The following ATP10A variants were observed in gnomAD, a reference collection of about 807,000 sequenced individuals.
ATP10A encodes phospholipid-transporting ATPase VA.
In ATP10A, 111 loss-of-function variants were observed where a neutral mutation model predicts 147.8. The observed-to-expected ratio is 0.75, with a 90% confidence interval of 0.64 to 0.88. The LOEUF is 0.88. ATP10A is among the 40% of genes least tolerant of loss of function. ATP10A has a pLI of 0.00. For missense variants in ATP10A, 1,927 were observed against 1,959.0 expected, an observed-to-expected ratio of 0.98 and a Z score of 0.31; for synonymous variants, 875 against 841.6, an observed-to-expected ratio of 1.04 and a Z score of -0.69.
chr15:25,685,824 TAAAA>T (rs34929669), intron 16 of ATP10A, among the ~76,000 whole-genome samples: 6 of 139,292 alleles, frequency 4.3e-5, no homozygotes, highest in Non-Finnish European at 6.2e-5. Context: ...ACCCTGTCTT[TAAAA>T]AAAAAAAAAA....
intron 15 of ATP10A, among the ~76,000 whole-genome samples, chr15:25,690,241 A>T (rs8025560): frequency 0.14 from 16,251 of 113,748 alleles, 1,129 homozygotes; most frequent in Admixed American, 0.25. Flanking sequence ...CCTTTTTTTT[A>T]AAAAAAAAAA....
At chr15:25,794,562 A>G (rs1434659406) in intron 1 of ATP10A, among the ~76,000 whole-genome samples, 5 of 152,152 alleles carry the variant, frequency 3.3e-5, no homozygotes, top group African/African-American at 4.8e-5. Flanking sequence ...ATCAAAATAT[A>G]CCATGGAGAC....
rs1000650201 is a variant in ATP10A, at chr15:25,828,561, A to G, written c.449+34087T>C. Among the ~76,000 whole-genome samples the G allele has an allele frequency of 1.3e-5, 2 of 152,224 alleles. 1 individual carries two copies. Among genetic ancestry groups the G allele is most frequent in the South Asian group, 4.1e-4 (2 of 4,832 alleles). ...TAACCAATGGATCACAGGGGAAATC[A>G]CACGGAAATTAGGAAATACTTTGAG... On this transcript the variant is annotated intron_variant, in intron 1 of 20. Coordinates refer to ENST00000555815, the MANE Select transcript of ATP10A (RefSeq NM_024490.4).
chr15:25,842,474 C>G (rs1317781556), intron 1 of ATP10A, among the ~76,000 whole-genome samples: 3 of 152,134 alleles, frequency 2.0e-5, no homozygotes, highest in Non-Finnish European at 4.4e-5. Flanking sequence ...AAAAATGAAT[C>G]TACGCCATCT....
intron 1 of ATP10A, among the ~76,000 whole-genome samples, chr15:25,859,842 C>A (rs993696030): frequency 1.3e-5 from 2 of 152,026 alleles, no homozygotes; most frequent in East Asian, 3.9e-4. Context: ...CATCCACATA[C>A]AAGGGAATGT....
chr15:25,846,809 C>A (rs1893043531), intron 1 of ATP10A, among the ~76,000 whole-genome samples: 1 of 152,164 alleles, frequency 6.6e-6, no homozygotes, highest in Non-Finnish European at 1.5e-5. Flanking sequence ...AAAAACACTA[C>A]CACCTTTGTT....
chr15:25,797,358 C>T (rs1025268202), intron 1 of ATP10A, among the ~76,000 whole-genome samples: 4 of 152,316 alleles, frequency 2.6e-5, no homozygotes, highest in African/African-American at 9.6e-5. Context: ...AATAAGGACT[C>T]CTCAGTGGCT....
In ATP10A at chr15:25,834,411, A is replaced by G. The variant is rs367575749; in HGVS notation, c.449+28237T>C. ...ACACATCAAACATCATGTACTTAAC[A>G]TCAGTAGCCATCTGGAAAATGCAAA... On this transcript the variant is annotated intron_variant, in intron 1 of 20. Transcript: ENST00000555815. 9.6e-4 allele frequency among the ~76,000 whole-genome samples: 146 copies of G among 152,388 alleles called. No homozygotes were observed. In the South Asian group the frequency reaches 0.011, roughly 12 times the overall value.
At chr15:25,779,922 T>A (rs1889819879) in intron 2 of ATP10A, among the ~76,000 whole-genome samples, 1 of 149,866 alleles carries the variant, frequency 6.7e-6, no homozygotes, top group Admixed American at 6.6e-5. Context: ...TCAGCCCGGT[T>A]GGAACAGTCA....
intron 1 of ATP10A, among the ~76,000 whole-genome samples, chr15:25,820,696 A>T (rs1316480127): frequency 6.6e-6 from 1 of 152,212 alleles, no homozygotes; most frequent in Non-Finnish European, 1.5e-5. Flanking sequence ...TGTGGTAAAG[A>T]AGAGAAAATT....
At chr15:25,742,659 G>A (rs145276122) in intron 2 of ATP10A, among the ~76,000 whole-genome samples, 1,720 of 152,252 alleles carry the variant, frequency 0.011, 13 homozygotes, top group Non-Finnish European at 0.016. Flanking sequence ...GTGGGCTGTG[G>A]CTGTCAGCAA....
chr15:25,858,946 C>A (rs8041680), intron 1 of ATP10A, among the ~76,000 whole-genome samples: 16,945 of 152,152 alleles, frequency 0.11, 1,284 homozygotes, highest in African/African-American at 0.21. Context: ...GATGAAATCA[C>A]TGGCCCAGGT....
Position 25,831,194 on chromosome 15 carries a change from A to G in ATP10A, c.449+31454T>C, listed in dbSNP as rs535648254. On this transcript the variant is annotated intron_variant, in intron 1 of 20. Transcript: ENST00000555815. ...AGGACCGCTGCCCATACCCTCTCCC[A>G]CCTCATTCCAAAGCTGTGTGTGGCT... Among the ~76,000 whole-genome samples, 141 of 151,650 alleles carry G rather than the reference A, an allele frequency of 9.3e-4. 1 individual carries two copies. The highest frequency in any genetic ancestry group is 1.5e-3 in the Non-Finnish European group (100 of 67,828).
At chr15:25,705,391 G>A (rs531388696) in intron 12 of ATP10A, among the ~76,000 whole-genome samples, 41 of 142,930 alleles carry the variant, frequency 2.9e-4, no homozygotes, top group Admixed American at 8.8e-4. Context: ...TGCTGTGATC[G>A]CACCATTGCA....
chr15:25,767,968 G>A (rs1889116708), intron 2 of ATP10A, among the ~76,000 whole-genome samples: 1 of 152,220 alleles, frequency 6.6e-6, no homozygotes. Context: ...GGAGACACTG[G>A]GGTGAACATG....
At chr15:25,845,274 C>T (rs912025001) in intron 1 of ATP10A, among the ~76,000 whole-genome samples, 2 of 152,012 alleles carry the variant, frequency 1.3e-5, no homozygotes, top group Non-Finnish European at 2.9e-5. Context: ...CCAAGAAGAC[C>T]AAGTGAAGCC....
At chr15:25,837,673 C>A (rs1484488050) in intron 1 of ATP10A, among the ~76,000 whole-genome samples, 1 of 152,200 alleles carries the variant, frequency 6.6e-6, no homozygotes, top group East Asian at 1.9e-4. Context: ...GAACGAGCGC[C>A]ACTGGGTAAT....
intron 2 of ATP10A, among the ~76,000 whole-genome samples, chr15:25,753,890 C>A (rs1408412509): frequency 6.6e-6 from 1 of 151,792 alleles, no homozygotes; most frequent in Non-Finnish European, 1.5e-5. Flanking sequence ...GATTCTCCCA[C>A]CCTAGCCTCC....
intron 10 of ATP10A, among the ~76,000 whole-genome samples, chr15:25,713,454 G>C (rs1901563097): frequency 6.6e-6 from 1 of 152,202 alleles, no homozygotes; most frequent in Non-Finnish European, 1.5e-5. Flanking sequence ...GTTCTTGGAG[G>C]TGGGGGTGTG....
Sources: gnomAD v4.1 joint callset for allele counts (sites outside exome capture counted in the v4.1 genomes callset) on GRCh38, gnomAD v4.1.1 for gene constraint, MANE v1.5 for transcripts, NCBI Gene and HGNC (gene_info 2026-07-23, HGNC 2026-07-21) for gene names.